Variants in PSMD2 observed in about 807,000 individuals in gnomAD.
PSMD2 encodes proteasome 26S subunit ubiquitin receptor, non-ATPase 2.
A neutral mutation model predicts 101.5 loss-of-function variants in PSMD2; 8 were observed. The observed-to-expected ratio is 0.08, with a 90% CI of 0.05 to 0.14. The LOEUF is 0.14. PSMD2 is among the 10% of genes least tolerant of loss of function. The pLI is 1.00. For synonymous variants in PSMD2, 418 were observed against 433.8 expected (o/e 0.96, Z 0.45); for missense variants, 784 against 1,147.4 (o/e 0.68, Z 4.58).
intron 2 of PSMD2, 51 bp downstream of exon 2, chr3:184,299,958 T>A: frequency 6.4e-7 from 1 of 1,551,644 alleles, no homozygotes; most frequent in Non-Finnish European, 8.9e-7. Context: ...CTTTCCCACT[T>A]GTTTTATTCT....
In PSMD2 at chr3:184,302,350, T is replaced by C; in HGVS notation, c.705-20T>C. On this transcript the variant is annotated intron_variant, in intron 5 of 20. Coordinates refer to ENST00000310118, the MANE Select transcript of PSMD2 (RefSeq NM_002808.5). ...AGTGCCTGGGACTTTCTGAATTCTT[T>C]GTTACTTTTACTTTTGTAGTTGTGT... 1 of 1,603,998 alleles carries C rather than the reference T, an allele frequency of 6.2e-7. No homozygotes were observed. The highest frequency in any genetic ancestry group is 8.5e-7 in the Non-Finnish European group (1 of 1,176,332).
In PSMD2 at chr3:184,304,332, C is replaced by A. The variant is rs1721752880; in HGVS notation, c.1480C>A (p.Arg494Ser). Reference protein sequence around the residue: ...GLGLAYAGSNREDVLTLLLPV... With the variant: ...GLGLAYAGSNSEDVLTLLLPV... ...AGGCTTGGCTTATGCTGGCTCAAAT[C>A]GTGAAGATGTCCTAACACTGCTGCT... The change falls in exon 12 of 21, where the codon CGT becomes AGT. Residue 494 changes from arginine (R) to serine (S), a missense_variant. Transcript: ENST00000310118. The surrounding 1 kb of genome is among the most constrained non-coding windows in gnomAD (Gnocchi z 4.1). 1 of 1,614,068 alleles carries A rather than the reference C, an allele frequency of 6.2e-7. No individual in the cohort carries two copies. Among genetic ancestry groups the A allele is most frequent in the Non-Finnish European group, 8.5e-7 (1 of 1,180,044 alleles).
At chr3:184,306,974 T>C in intron 16 of PSMD2, 140 bp downstream of exon 16, 1 of 746,208 alleles carries the variant, frequency 1.3e-6, no homozygotes, top group African/African-American at 1.8e-5. Flanking sequence ...TTTTCTTTTT[T>C]GAAGCGGAGT....
At chr3:184,303,610 A>G (rs1721726565) in intron 9 of PSMD2, 33 bp from the exon 10 acceptor site, 1 of 1,613,514 alleles carries the variant, frequency 6.2e-7, no homozygotes, top group Non-Finnish European at 8.5e-7. Context: ...GGATAGGGCC[A>G]TTTTAAGACT....
At position 184,299,251 on chromosome 3, in the gene PSMD2, G is replaced by A. The variant is rs1415955694; in HGVS notation, c.-16G>A. 3 of 1,326,808 alleles carry A rather than the reference G, an allele frequency of 2.3e-6. No homozygotes were observed. Among genetic ancestry groups the A allele is most frequent in the Non-Finnish European group, 2.9e-6 (3 of 1,040,140 alleles). 82.2% of individuals were successfully genotyped at this position (1,326,808 alleles called of 1,614,324 possible). A position where few individuals can be genotyped will look rare whatever the true frequency, so the allele number is the denominator to read the frequency against. On this transcript the variant is annotated 5_prime_UTR_variant, in exon 1 of 21. Coordinates refer to ENST00000310118, the MANE Select transcript of PSMD2 (RefSeq NM_002808.5). ...CGAGCGGGTGCGCGCGCAGCGGGCCGGCAGTGGCGGCGGAGATGGAGGAGG... is the reference window on the plus strand; with the variant it reads ...CGAGCGGGTGCGCGCGCAGCGGGCCAGCAGTGGCGGCGGAGATGGAGGAGG...
At chr3:184,300,502 C>A (rs958991369) in intron 3 of PSMD2, 58 bp downstream of exon 3, 48 of 1,569,580 alleles carry the variant, frequency 3.1e-5, no homozygotes, top group Non-Finnish European at 3.2e-5. Flanking sequence ...TTACCCAGAT[C>A]ATGGGGGGAC....
Position 184,308,597 on chromosome 3 carries a change from G to A in PSMD2, c.2544+30G>A, listed in dbSNP as rs1432456327. The A allele has an allele frequency of 6.3e-7, 1 of 1,598,254 alleles. No homozygotes were observed. The highest frequency in any genetic ancestry group is 8.6e-7 in the Non-Finnish European group (1 of 1,166,990). ...GAGGCTGAGTAGAGGGGAGGGCTCA[G>A]GCTGTATTCTCAAACTGGAGAATGT... On this transcript the variant is annotated intron_variant, in intron 20 of 20. Coordinates refer to ENST00000310118, the MANE Select transcript of PSMD2 (RefSeq NM_002808.5). The surrounding 1 kb of genome is among the most constrained non-coding windows in gnomAD (Gnocchi z 6.0).
chr3:184,302,646 A>C, intron 6 of PSMD2, 33 bp from the exon 7 acceptor site: 1 of 1,613,820 alleles, frequency 6.2e-7, no homozygotes, highest in South Asian at 1.1e-5. Flanking sequence ...CTTAGTGGAC[A>C]GTGATGAGCA....
Position 184,300,308 on chromosome 3 carries a change from C to G in PSMD2, c.221C>G (p.Ala74Gly). The G allele has an allele frequency of 6.2e-7, 1 of 1,613,886 alleles. No homozygotes were observed. The highest frequency in any genetic ancestry group is 1.7e-5 in the Admixed American group (1 of 60,010). The change falls in exon 3 of 21, where the codon GCG becomes GGG. Residue 74 changes from alanine to glycine, a missense_variant. Coordinates refer to ENST00000310118, the MANE Select transcript of PSMD2 (RefSeq NM_002808.5). ...GEKDTSLYRP[A>G]LEELRRQIRS... The stretch of plus-strand genomic sequence containing the variant: ...AAGGATACATCCCTGTATCGACCAG[C>G]GCTGGAGGAATTGCGAAGGCAGATT...
intron 9 of PSMD2, 54 bp downstream of exon 9, chr3:184,303,520 C>T: frequency 6.2e-7 from 1 of 1,606,252 alleles, no homozygotes. Flanking sequence ...CTTCTTTTGT[C>T]CTCTTGGAGT....
chr3:184,302,840 T>C lies in PSMD2; in HGVS notation c.1008+17T>C, dbSNP rs115592812. The C allele has an allele frequency of 8.3e-5, 134 of 1,614,110 alleles. No homozygotes were observed. The African/African-American group carries it at 1.4e-3, about 17-fold the overall frequency. ...GCTCGGGAGGTGAGACTGCCCTTTTTTCATCAAGGCCTTTTCGTCATAATT... is the reference window on the plus strand; with the variant it reads ...GCTCGGGAGGTGAGACTGCCCTTTTCTCATCAAGGCCTTTTCGTCATAATT... On this transcript the variant is annotated intron_variant, in intron 7 of 20. Transcript: ENST00000310118.
At chr3:184,301,824 T>C in intron 4 of PSMD2, 23 bp from the exon 5 acceptor site, 1 of 1,614,048 alleles carries the variant, frequency 6.2e-7, no homozygotes, top group Non-Finnish European at 8.5e-7. Context: ...TGTGCTCTCT[T>C]AATCGTCTGG....
At chr3:184,301,467 G>A in intron 3 of PSMD2, 70 bp from the exon 4 acceptor site, 2 of 1,567,364 alleles carry the variant, frequency 1.3e-6, no homozygotes, top group Non-Finnish European at 1.7e-6. Context: ...CAATGATCTT[G>A]ATTCCACAAT....
Position 184,303,034 on chromosome 3 carries a change from C to T in PSMD2, c.1041C>T (p.Asp347=), listed in dbSNP as rs1183813504. 1.9e-6 allele frequency: 3 copies of T among 1,614,116 alleles called. No individual in the cohort carries two copies. Among genetic ancestry groups the T allele is most frequent in the East Asian group, 2.2e-5 (1 of 44,878 alleles). ...TCATGGAGCCCAAGGTGCCTGATGA[C>T]ATCTACAAAACCCACCTAGAGAACA... ...LDIMEPKVPD[D]IYKTHLENNR... Residue 347 remains aspartate, a synonymous_variant, in exon 8 of 21, where the codon GAC becomes GAT. Transcript: ENST00000310118.
chr3:184,308,016 A>T lies in PSMD2; in HGVS notation c.2425A>T (p.Ile809Phe). The T allele has an allele frequency of 6.2e-7, 1 of 1,613,948 alleles. No homozygotes were observed. Among genetic ancestry groups the T allele is most frequent in the Non-Finnish European group, 8.5e-7 (1 of 1,180,024 alleles). Residue 809 changes from isoleucine (I) to phenylalanine (F), a missense_variant and splice_region_variant, in exon 19 of 21, where the codon ATT becomes TTT. This residue lies in a region of PSMD2 where 282 missense variants were observed against 437.6 expected (regional missense o/e 0.64). Transcript: ENST00000310118. This position sits in a 1 kb window ranked among gnomAD's most constrained non-coding sequence, Gnocchi z 6.0. ...VLVSFLDVRN[I>F]ILGKSHYVLY... ...TGTCTCTTTCCTGGATGTTCGAAAC[A>T]GTGAGTTCCTGTCAGAAATTTTATA... is the stretch of plus-strand genomic sequence containing the variant.
chr3:184,308,941 A>G lies in PSMD2; in HGVS notation c.*51A>G. On this transcript the variant is annotated 3_prime_UTR_variant, in exon 21 of 21. Transcript: ENST00000310118. This position sits in a 1 kb window ranked among gnomAD's most constrained non-coding sequence, Gnocchi z 6.0. The stretch of plus-strand genomic sequence containing the variant: ...AGCTGATGTTATCAGCAGGCCATGC[A>G]TCCTGCTGCCAAGGGTGGACACGGC... 2 of 1,546,394 alleles carry G rather than the reference A, an allele frequency of 1.3e-6. No homozygotes were observed. Among genetic ancestry groups the G allele is most frequent in the South Asian group, 1.2e-5 (1 of 84,984 alleles).
rs756200511 is a variant in PSMD2 at position 184,304,086 on chromosome 3, C to T, written c.1451+12C>T. Reference sequence around the variant, plus strand: ...GGTTCCATCTTTGGGTAAGGTTCCTCGCTTGTCTTTCTGGTAGTGCTCAGC... The same window carrying T: ...GGTTCCATCTTTGGGTAAGGTTCCTTGCTTGTCTTTCTGGTAGTGCTCAGC... On this transcript the variant is annotated intron_variant, in intron 11 of 20. Transcript: ENST00000310118. The surrounding 1 kb of genome is among the most constrained non-coding windows in gnomAD (Gnocchi z 4.1). The T allele has an allele frequency of 1.6e-5, 26 of 1,613,684 alleles. No individual in the cohort carries two copies. The highest frequency in any genetic ancestry group is 2.2e-5 in the East Asian group (1 of 44,904).
rs766568572 is a variant in PSMD2, at chr3:184,302,669, C to T, written c.864-10C>T. The T allele has an allele frequency of 3.1e-6, 5 of 1,613,956 alleles. No individual in the cohort carries two copies. Among genetic ancestry groups the T allele is most frequent in the South Asian group, 1.1e-5 (1 of 91,088 alleles). ...ACAGTGATGAGCAGATGTACGGGCT[C>T]TCTCCACAGGGTAGTACAGAAACAG... On this transcript the variant is annotated splice_polypyrimidine_tract_variant and intron_variant, in intron 6 of 20. Transcript: ENST00000310118.
At chr3:184,302,109 C>T (rs772466577) in intron 5 of PSMD2, 38 bp downstream of exon 5, 1 of 1,583,372 alleles carries the variant, frequency 6.3e-7, no homozygotes, top group Non-Finnish European at 8.7e-7. Flanking sequence ...CAGGCATGCC[C>T]TCCTCAGCAC....
Sources: allele counts gnomAD v4.1 joint callset, GRCh38; gene constraint gnomAD v4.1.1; regional missense constraint gnomAD v4.1.1; non-coding constraint Gnocchi (gnomAD v3.1); transcripts MANE v1.5; gene names NCBI Gene and HGNC (gene_info 2026-07-23, HGNC 2026-07-21).